The following SYDE2 variants were observed in gnomAD, a reference collection of about 807,000 sequenced individuals.
SYDE2 encodes the protein synapse defective Rho GTPase homolog 2, also known as rho GTPase-activating protein SYDE2.
In SYDE2, 76 loss-of-function variants were observed where a neutral mutation model predicts 91.5. That is an observed-to-expected ratio of 0.83 (90% CI 0.69 to 1.01). SYDE2 has a LOEUF of 1.01. Ranked by LOEUF, SYDE2 falls within the 50% of genes least tolerant of loss-of-function variation. SYDE2 has a pLI of 0.00. For synonymous variants in SYDE2, 513 were observed against 506.4 expected (o/e 1.01, Z -0.18); for missense variants, 1,364 against 1,367.7 (o/e 1.00, Z 0.04).
In SYDE2 at chr1:85,182,740, G is replaced by C; in HGVS notation, c.1902C>G (p.Ser634Arg). The C allele has an allele frequency of 6.2e-7, 1 of 1,613,778 alleles. No individual in the cohort carries two copies. The highest frequency in any genetic ancestry group is 8.5e-7 in the Non-Finnish European group (1 of 1,179,838). ...GDSPELTTKA[S>R]KHGSENKFGK... ...CAAATTTGTTTTCAGATCCATGTTTGCTAGCTTTAGTTGTAAGTTCAGGTG... is the reference window on the plus strand; with the variant it reads ...CAAATTTGTTTTCAGATCCATGTTTCCTAGCTTTAGTTGTAAGTTCAGGTG... The change falls in exon 3 of 7, where the codon AGC (serine) becomes AGG (arginine). Residue 634 changes from serine (S) to arginine (R), a missense_variant. Physicochemically the swap from Ser to Arg is moderately radical, Grantham distance 110 (BLOSUM62 -1). Coordinates refer to ENST00000341460, the MANE Select transcript of SYDE2 (RefSeq NM_032184.2).
intron 5 of SYDE2, among the ~76,000 whole-genome samples, chr1:85,167,955 A>C (rs1043342041): frequency 3.3e-5 from 5 of 152,028 alleles, no homozygotes; most frequent in Non-Finnish European, 7.4e-5. Context: ...CTCTACTGAA[A>C]ATACAAAAAT....
At position 85,182,665 on chromosome 1, in the gene SYDE2, G is replaced by A. The variant is rs1341174839; in HGVS notation, c.1977C>T (p.Asp659=). 6.2e-7 allele frequency: 1 copy of A among 1,613,644 alleles called. No individual in the cohort carries two copies. Among genetic ancestry groups the A allele is most frequent in the Non-Finnish European group, 8.5e-7 (1 of 1,179,816 alleles). The change falls in exon 3 of 7, where the codon GAC becomes GAT. Residue 659 remains aspartate, a synonymous_variant. Transcript: ENST00000341460. ...ISNSCSKNEI[D]IDAFRHYSFS... is the part of the protein sequence containing the mutation. ...AGCTATAATGCCTAAAAGCATCAAT[G>A]TCTATTTCATTCTTGCTACAACTAT...
rs542693180 is a variant in SYDE2, at chr1:85,188,316, A to T, written c.1441+1741T>A. Among the ~76,000 whole-genome samples the T allele has an allele frequency of 3.7e-4, 57 of 152,342 alleles. No individual in the cohort carries two copies. In the South Asian group the frequency reaches 0.012, roughly 31 times the overall value. On this transcript the variant is annotated intron_variant, in intron 2 of 6. Transcript: ENST00000341460. ...ATAATTAGAAATGCACAAAGAAAAA[A>T]ATTTAATTACCTTCAATCTCAACAC... is the stretch of plus-strand genomic sequence containing the variant.
chr1:85,190,783 A>G (rs780362297), intron 1 of SYDE2, 31 bp from the exon 2 acceptor site: 1 of 1,526,734 alleles, frequency 6.5e-7, no homozygotes, highest in South Asian at 1.3e-5. Flanking sequence ...AAGGTAGAAT[A>G]TAATGGCTGG....
chr1:85,155,227 CA>C (rs1459147057), downstream of SYDE2, among the ~76,000 whole-genome samples: 1 of 151,746 alleles, frequency 6.6e-6, no homozygotes, highest in East Asian at 1.9e-4. Flanking sequence ...AAAATAAAGA[CA>C]AGAATATAGT....
chr1:85,155,026 G>GA (rs1656847004), downstream of SYDE2, among the ~76,000 whole-genome samples: 1 of 81,446 alleles, frequency 1.2e-5, no homozygotes, highest in Non-Finnish European at 2.7e-5. Context: ...AAAAAAAAAA[G>GA]AAAAGAAAAA....
At chr1:85,186,995 A>C (rs942449670) in intron 2 of SYDE2, among the ~76,000 whole-genome samples, 2 of 152,108 alleles carry the variant, frequency 1.3e-5, no homozygotes, top group Admixed American at 6.5e-5. Context: ...CAATGGCAAC[A>C]AAAGCCAAAA....
intron 1 of SYDE2, among the ~76,000 whole-genome samples, chr1:85,196,160 C>A (rs1219347607): frequency 1.3e-5 from 2 of 152,050 alleles, no homozygotes; most frequent in Non-Finnish European, 1.5e-5. Flanking sequence ...AAAACTGAAG[C>A]AAAAAGAGCC....
intron 5 of SYDE2, among the ~76,000 whole-genome samples, chr1:85,166,741 A>G (rs1043029054): frequency 1.3e-5 from 2 of 152,194 alleles, no homozygotes; most frequent in African/African-American, 4.8e-5. Context: ...CTCCATATAC[A>G]TTGGCCTCTT....
chr1:85,200,594 G>A lies in SYDE2; in HGVS notation c.403C>T (p.Arg135Trp), dbSNP rs931652668. The change falls in exon 1 of 7, where the codon CGG becomes TGG. Residue 135 changes from arginine to tryptophan, a missense_variant. By Grantham distance (101) the Arg-to-Trp change is moderately radical (BLOSUM62 -3). Coordinates refer to ENST00000341460, the MANE Select transcript of SYDE2 (RefSeq NM_032184.2). ...TGGAGGCCGGTGGGTGCAGCCGCCCGGGCGCGGTCCCCACTCCAGCCGTCC... is the reference window on the plus strand; with the variant it reads ...TGGAGGCCGGTGGGTGCAGCCGCCCAGGCGCGGTCCCCACTCCAGCCGTCC... ...RMDGWSGDRA[R>W]AAAPTGLQPP... The A allele has an allele frequency of 1.9e-6, 3 of 1,571,262 alleles. No homozygotes were observed. Among genetic ancestry groups the A allele is most frequent in the Non-Finnish European group, 8.6e-7 (1 of 1,162,802 alleles).
chr1:85,159,682 G>C, intron 6 of SYDE2: 1 of 195,062 alleles, frequency 5.1e-6, no homozygotes, highest in Non-Finnish European at 9.3e-6. Flanking sequence ...TGAGGCAAAG[G>C]CATCTAAAGT....
Position 85,159,172 on chromosome 1 carries a change from T to A in SYDE2, c.3163A>T (p.Lys1055Ter), listed in dbSNP as rs758501020. The A allele has an allele frequency of 2.6e-5, 20 of 780,836 alleles. No individual in the cohort carries two copies. Among genetic ancestry groups the A allele is most frequent in the Non-Finnish European group, 4.3e-5 (18 of 417,972 alleles). 48.4% of individuals were successfully genotyped at this position (780,836 alleles called of 1,614,324 possible). A position where few individuals can be genotyped will look rare whatever the true frequency, so the allele number is the denominator to read the frequency against. The change falls in exon 7 of 7, where the codon AAG becomes TAG. Residue 1055 changes from lysine to a stop codon, truncating the protein, a stop_gained. Coordinates refer to ENST00000341460, the MANE Select transcript of SYDE2 (RefSeq NM_032184.2). LOFTEE classifies it high-confidence loss of function. ...TTTAACATATGAGGTCGTTCTTTCTTCTGCCTCAGATAATTCAGAGAAGAC... is the reference window on the plus strand; with the variant it reads ...TTTAACATATGAGGTCGTTCTTTCTACTGCCTCAGATAATTCAGAGAAGAC... ...QKSSLNYLRQ[K>*]KERPHMLNLS...
Position 85,182,298 on chromosome 1 carries a change from G to A in SYDE2, c.2344C>T (p.Leu782Phe). ...ACATAAATAAGACCTCTAGGTTCAA[G>A]TTTGACAGCCAACTGATGAGTCTTT... ...VTKTHQLAVK[L>F]EPRGLIYVKV... Residue 782 changes from leucine to phenylalanine, a missense_variant, in exon 3 of 7, where the codon CTT (leucine) becomes TTT (phenylalanine). Leu to Phe is a conservative substitution (Grantham distance 22). Transcript: ENST00000341460. The A allele has an allele frequency of 6.2e-7, 1 of 1,613,744 alleles. No individual in the cohort carries two copies. The highest frequency in any genetic ancestry group is 8.5e-7 in the Non-Finnish European group (1 of 1,179,836).
intron 1 of SYDE2, 118 bp downstream of exon 1, chr1:85,200,134 T>TACC: frequency 6.5e-7 from 1 of 1,543,212 alleles, no homozygotes; most frequent in Non-Finnish European, 8.7e-7. Context: ...GACACTTACT[T>TACC]TCGCCCGGTA....
At chr1:85,178,473 A>T (rs912261394) in intron 3 of SYDE2, among the ~76,000 whole-genome samples, 1 of 152,196 alleles carries the variant, frequency 6.6e-6, no homozygotes, top group East Asian at 1.9e-4. Flanking sequence ...TTAAATTCAA[A>T]CAATACACTA....
At chr1:85,175,986 A>G (rs1319409796) in intron 4 of SYDE2, among the ~76,000 whole-genome samples, 2 of 152,230 alleles carry the variant, frequency 1.3e-5, no homozygotes, top group Non-Finnish European at 2.9e-5. Context: ...GAATGCTGTA[A>G]ATCCAATATT....
intron 1 of SYDE2, among the ~76,000 whole-genome samples, chr1:85,194,606 A>C (rs1407909855): frequency 6.6e-6 from 1 of 152,040 alleles, no homozygotes; most frequent in Middle Eastern, 3.4e-3. Context: ...TCTTGCAACT[A>C]TACATGTTAT....
Position 85,169,089 on chromosome 1 carries a change from A to C in SYDE2, c.2808T>G (p.Ser936=). ...AATCCAGCAGGTCAACAGTGTACTTAGAGTCACCTGGGTCATTCTCACAAC... is the reference window on the plus strand; with the variant it reads ...AATCCAGCAGGTCAACAGTGTACTTCGAGTCACCTGGGTCATTCTCACAAC... ...SNGCENDPGD[S]KYTVDLLDCL... The change falls in exon 5 of 7, where the codon TCT becomes TCG. Residue 936 remains serine, a synonymous_variant. Transcript: ENST00000341460. The C allele has an allele frequency of 3.1e-6, 5 of 1,613,930 alleles. No individual in the cohort carries two copies.
chr1:85,165,216 T>C (rs817421), intron 5 of SYDE2, among the ~76,000 whole-genome samples: 34,370 of 152,084 alleles, frequency 0.23, 4,807 homozygotes, highest in African/African-American at 0.39. Context: ...CCTGGGTGGC[T>C]GAACGAGACC....
Sources: gnomAD v4.1 joint callset for allele counts (sites outside exome capture counted in the v4.1 genomes callset) on GRCh38, gnomAD v4.1.1 for gene constraint, MANE v1.5 for transcripts, NCBI Gene and HGNC (gene_info 2026-07-23, HGNC 2026-07-21) for gene names.